Variants in ZNF19 observed in about 807,000 individuals in gnomAD.
ZNF19 encodes zinc finger protein 19 (KOX 12).
In ZNF19, 11 loss-of-function variants were observed where a neutral mutation model predicts 13.1. The observed-to-expected ratio is 0.84, with a 90% CI of 0.53 to 1.39. The LOEUF (loss-of-function observed/expected upper bound fraction) is 1.39, where lower values mean the gene tolerates loss of function less well. Ranked by LOEUF, ZNF19 falls within the 40% of genes most tolerant of loss-of-function variation. The pLI is 0.00. For synonymous variants in ZNF19, 186 were observed against 187.0 expected, an observed-to-expected ratio of 0.99 and a Z score of 0.04; for missense variants, 560 against 547.0, an observed-to-expected ratio of 1.02 and a Z score of -0.24.
chr16:71,482,981 G>A (rs1597015657), intron 2 of ZNF19, among the ~76,000 whole-genome samples: 2 of 152,248 alleles, frequency 1.3e-5, no homozygotes, highest in African/African-American at 4.8e-5. Context: ...GGGATTACAG[G>A]CGTGAGGCAC....
At chr16:71,485,517 T>A (rs2043672409) in intron 1 of ZNF19, among the ~76,000 whole-genome samples, 1 of 145,608 alleles carries the variant, frequency 6.9e-6, no homozygotes, top group Non-Finnish European at 1.5e-5. Flanking sequence ...TAAGGAGGGA[T>A]ATATTAAGTA....
At chr16:71,480,885 G>C (rs1471956192) in intron 3 of ZNF19, among the ~76,000 whole-genome samples, 1 of 152,178 alleles carries the variant, frequency 6.6e-6, no homozygotes, top group Non-Finnish European at 1.5e-5. Context: ...TGAAGTCTGA[G>C]AACCCTGGAT....
chr16:71,480,967 T>C (rs1226760026), intron 3 of ZNF19, among the ~76,000 whole-genome samples: 1 of 152,128 alleles, frequency 6.6e-6, no homozygotes, highest in African/African-American at 2.4e-5. Context: ...TGCACAACTA[T>C]ACACAGAGAA....
Position 71,476,244 on chromosome 16 carries a change from G to C in ZNF19, c.303C>G (p.Ser101=). 3 of 1,613,080 alleles carry C rather than the reference G, an allele frequency of 1.9e-6. No individual in the cohort carries two copies. Among genetic ancestry groups the C allele is most frequent in the Non-Finnish European group, 2.5e-6 (3 of 1,179,540 alleles). The change falls in exon 6 of 6, where the codon TCC becomes TCG. Residue 101 remains serine, a synonymous_variant. Coordinates refer to ENST00000288177, the MANE Select transcript of ZNF19 (RefSeq NM_006961.4). ...CTTCAGAAATTCCCTGGATTAATGT[G>C]GACTCACTGTCAATGTTGGTCTCAA... is the stretch of plus-strand genomic sequence containing the variant. ...KDVETNIDSE[S]TLIQGISEER...
intron 2 of ZNF19, among the ~76,000 whole-genome samples, chr16:71,483,172 T>A (rs1261399958): frequency 1.3e-5 from 2 of 152,244 alleles, no homozygotes; most frequent in South Asian, 2.1e-4. Flanking sequence ...AGCAGGCATC[T>A]TTTTTGTTCA....
chr16:71,480,832 A>G (rs1023464549), intron 3 of ZNF19, among the ~76,000 whole-genome samples: 4 of 152,216 alleles, frequency 2.6e-5, no homozygotes, highest in African/African-American at 9.6e-5. Context: ...CTCTGAGAGA[A>G]GTCCATACTT....
chr16:71,483,001 C>T (rs935687958), intron 2 of ZNF19, among the ~76,000 whole-genome samples: 10 of 152,246 alleles, frequency 6.6e-5, no homozygotes, highest in African/African-American at 2.4e-4. Flanking sequence ...CCGCCTCCTG[C>T]TTTTAATAAC....
In ZNF19 at chr16:71,476,020, T is replaced by C. The variant is rs542310581; in HGVS notation, c.527A>G (p.Tyr176Cys). The C allele has an allele frequency of 1.1e-5, 18 of 1,614,168 alleles. No homozygotes were observed. The South Asian group carries it at 1.9e-4, about 17-fold the overall frequency. The change falls in exon 6 of 6, where the codon TAT becomes TGT. Residue 176 changes from tyrosine (Y) to cysteine (C), a missense_variant. Tyr to Cys is a radical substitution (Grantham distance 194). Transcript: ENST00000288177. ...AGTGTGGATTCTCTGGTGTCTAGCA[T>C]AGTAAGAAAAGTAGCTGAAGGATTT... is the stretch of plus-strand genomic sequence containing the variant. Reference protein sequence around the residue: ...CGKSFSYFSYYARHQRIHTGE... With the variant: ...CGKSFSYFSYCARHQRIHTGE...
In ZNF19 at chr16:71,478,350, AG is replaced by A. The variant is rs768438344; in HGVS notation, c.161-10del. 28 of 1,600,984 alleles carry A rather than the reference AG, an allele frequency of 1.7e-5. 1 individual carries two copies. Among genetic ancestry groups the A allele is most frequent in the Non-Finnish European group, 2.2e-5 (26 of 1,168,840 alleles). On this transcript the variant is annotated splice_polypyrimidine_tract_variant and intron_variant, in intron 4 of 5. Coordinates refer to ENST00000288177, the MANE Select transcript of ZNF19 (RefSeq NM_006961.4). ...TTTGGGAACTGGGTACCCTGAAAAC[AG>A]GAAGAAAATGGTACTTTTCAGCCCT...
intron 3 of ZNF19, among the ~76,000 whole-genome samples, chr16:71,481,630 C>A (rs1463311805): frequency 6.6e-6 from 1 of 152,152 alleles, no homozygotes; most frequent in Non-Finnish European, 1.5e-5. Flanking sequence ...GATTCTGAAG[C>A]CCAAACTTCC....
chr16:71,485,982 A>G lies in ZNF19; in HGVS notation c.-189-1234T>C, dbSNP rs144845200. 6.9e-4 allele frequency among the ~76,000 whole-genome samples: 105 copies of G among 152,192 alleles called. No individual in the cohort carries two copies. In the East Asian group the frequency reaches 0.015, roughly 22 times the overall value. On this transcript the variant is annotated intron_variant, in intron 1 of 5. Coordinates refer to ENST00000288177, the MANE Select transcript of ZNF19 (RefSeq NM_006961.4). ...CCTAATCTCTAGAACCTGTGAGTAC[A>G]TTAAGTTACATGACAAAGGGAAATT...
At position 71,475,512 on chromosome 16, in the gene ZNF19, A is replaced by G; in HGVS notation, c.1035T>C (p.Thr345=). The change falls in exon 6 of 6, where the codon ACT becomes ACC. Residue 345 remains threonine (T), a synonymous_variant. Coordinates refer to ENST00000288177, the MANE Select transcript of ZNF19 (RefSeq NM_006961.4). ...GQAFNFHTKL[T]RHQRIHSEEK... ...CCTCACTGTGAATTCTCTGGTGCCG[A>G]GTTAGTTTTGTATGAAAATTGAAGG... 6.2e-7 allele frequency: 1 copy of G among 1,614,186 alleles called. No homozygotes were observed. The highest frequency in any genetic ancestry group is 1.3e-5 in the African/African-American group (1 of 75,038).
chr16:71,479,226 T>C (rs750252163), intron 3 of ZNF19: 10 of 572,396 alleles, frequency 1.7e-5, no homozygotes, highest in African/African-American at 3.7e-5. Flanking sequence ...GATATAAAAT[T>C]GACTGTCATA....
chr16:71,478,798 A>G, intron 4 of ZNF19, 81 bp downstream of exon 4: 3 of 1,556,468 alleles, frequency 1.9e-6, no homozygotes, highest in Non-Finnish European at 2.6e-6. Context: ...TCTCCACTCC[A>G]CACTCCTCCC....
intron 5 of ZNF19, among the ~76,000 whole-genome samples, chr16:71,476,628 G>T (rs935476456): frequency 1.3e-5 from 2 of 152,170 alleles, no homozygotes; most frequent in African/African-American, 2.4e-5. Flanking sequence ...GTGACATCGG[G>T]GCTGGCAAGA....
Position 71,478,238 on chromosome 16 carries a change from GT to G in ZNF19, c.263del (p.Asn88ThrfsTer16). On this transcript the variant is annotated frameshift_variant, in exon 5 of 6. Transcript: ENST00000288177. LOFTEE classifies it low-confidence loss of function (END_TRUNC). ...QDDPPAERTK[N>X]VCKDVETNID... is the part of the protein sequence containing the mutation. The stretch of plus-strand genomic sequence containing the variant: ...ATCTGCCTCACCTACCTTTACAGAC[GT>G]TTTTGGTCCTCTCTGCTGGGGGATC... The G allele has an allele frequency of 6.2e-7, 1 of 1,613,406 alleles. No individual in the cohort carries two copies. The highest frequency in any genetic ancestry group is 1.1e-5 in the South Asian group (1 of 91,010).
At chr16:71,482,328 T>G in intron 2 of ZNF19, 185 bp from the exon 3 acceptor site, 2 of 585,012 alleles carry the variant, frequency 3.4e-6, no homozygotes, top group Non-Finnish European at 6.1e-6. Context: ...GGAAACAGAT[T>G]TTGAAAGAAT....
intron 1 of ZNF19, among the ~76,000 whole-genome samples, chr16:71,486,169 CCT>C (rs2043676485): frequency 7.1e-6 from 1 of 140,466 alleles, no homozygotes; most frequent in Non-Finnish European, 1.5e-5. Flanking sequence ...ATGACAAAAC[CCT>C]GTCTCTACCG....
intron 5 of ZNF19, among the ~76,000 whole-genome samples, chr16:71,477,376 C>A (rs918749943): frequency 6.6e-6 from 1 of 152,128 alleles, no homozygotes; most frequent in Non-Finnish European, 1.5e-5. Context: ...GAATAAGAGG[C>A]TGAAGTGCTG....
Sources: gnomAD v4.1 joint callset for allele counts (sites outside exome capture counted in the v4.1 genomes callset) on GRCh38, gnomAD v4.1.1 for gene constraint, MANE v1.5 for transcripts, NCBI Gene and HGNC (gene_info 2026-07-23, HGNC 2026-07-21) for gene names.